The following TGOLN2 variants were observed in gnomAD, a reference collection of about 807,000 sequenced individuals.
TGOLN2 encodes the protein trans-golgi network protein 2.
Under a neutral mutation model 31.3 loss-of-function variants are expected in TGOLN2, and 19 were observed. That is an observed-to-expected ratio of 0.61 (90% confidence interval 0.42 to 0.89). The LOEUF (loss-of-function observed/expected upper bound fraction) is 0.89, where lower values mean the gene tolerates loss of function less well. TGOLN2 is among the 40% of genes least tolerant of loss of function. The probability of loss-of-function intolerance (pLI) is 0.00; values close to 1 mark genes in which losing one functional copy is unlikely to be tolerated. For missense variants in TGOLN2, 540 were observed against 559.2 expected (o/e 0.97, Z 0.35); for synonymous variants, 222 against 226.7 (o/e 0.98, Z 0.19).
chr2:85,327,780 G>A (rs1682811230), intron 1 of TGOLN2, 95 bp from the exon 2 acceptor site: 2 of 623,840 alleles, frequency 3.2e-6, no homozygotes, highest in South Asian at 1.5e-5. Flanking sequence ...GGGGAATGGG[G>A]ATTGGGGGGT....
rs1477686161 is a variant in TGOLN2, at chr2:85,320,656, A to G, written c.*2080T>C. 6.6e-6 allele frequency: 1 copy of G among 152,214 alleles called. No individual in the cohort carries two copies. The highest frequency in any genetic ancestry group is 2.4e-5 in the African/African-American group (1 of 41,448). The allele number at this position is 152,214 out of a possible 1,614,324, so 9.4% of individuals were successfully genotyped here. A position where few individuals can be genotyped will look rare whatever the true frequency, so the allele number is the denominator to read the frequency against. On this transcript the variant is annotated 3_prime_UTR_variant, in exon 4 of 4. Transcript: ENST00000377386. The stretch of plus-strand genomic sequence containing the variant: ...CTTTAGGGATTAAGCCAAGACAAAG[A>G]CTTGGGAATCACTCACTCCGAGGAT...
Position 85,322,757 on chromosome 2 carries a change from A to T in TGOLN2, c.1309-16T>A. On this transcript the variant is annotated splice_polypyrimidine_tract_variant and intron_variant, in intron 3 of 3. Coordinates refer to ENST00000377386, the MANE Select transcript of TGOLN2 (RefSeq NM_006464.4). ...TCTGTTAGGACTTAGGGGAAAAAAG[A>T]TCTTTTAGGAGGTGCAGGGAAAACA... 1 of 1,610,342 alleles carries T rather than the reference A, an allele frequency of 6.2e-7. No individual in the cohort carries two copies. Among genetic ancestry groups the T allele is most frequent in the Non-Finnish European group, 8.5e-7 (1 of 1,179,310 alleles).
Position 85,327,539 on chromosome 2 carries a change from CT to C in TGOLN2, c.192del (p.Asp65ThrfsTer168). The C allele has an allele frequency of 6.2e-7, 1 of 1,614,064 alleles. No homozygotes were observed. Among genetic ancestry groups the C allele is most frequent in the African/African-American group, 1.3e-5 (1 of 75,070 alleles). On this transcript the variant is annotated frameshift_variant, in exon 2 of 4. Coordinates refer to ENST00000377386, the MANE Select transcript of TGOLN2 (RefSeq NM_006464.4). LOFTEE classifies it high-confidence loss of function. ...TKSHPEPQTPKDSPSKSSAEA... is the reference protein window; with the variant it reads ...TKSHPEPQTPXDSPSKSSAEA... ...TCCGCACTCGACTTGCTAGGGCTGT[CT>C]TTTGGAGTCTGCGGCTCCGGATGCG...
In TGOLN2 at chr2:85,327,339, C is replaced by G; in HGVS notation, c.393G>C (p.Gln131His). 1 of 1,610,752 alleles carries G rather than the reference C, an allele frequency of 6.2e-7. No homozygotes were observed. Among genetic ancestry groups the G allele is most frequent in the Admixed American group, 1.7e-5 (1 of 59,834 alleles). The change falls in exon 2 of 4, where the codon CAG (glutamine) becomes CAC (histidine). Residue 131 changes from glutamine (Q) to histidine (H), a missense_variant. Coordinates refer to ENST00000377386, the MANE Select transcript of TGOLN2 (RefSeq NM_006464.4). ...ATTTGCCAGTGCTGTCTTTTGGAGTCTGCAGCTCCGGATGCGACTTACTAG... is the reference window on the plus strand; with the variant it reads ...ATTTGCCAGTGCTGTCTTTTGGAGTGTGCAGCTCCGGATGCGACTTACTAG... ...DSTSKSHPELQTPKDSTGKSG... is the reference protein window; with the variant it reads ...DSTSKSHPELHTPKDSTGKSG...
At position 85,326,624 on chromosome 2, in the gene TGOLN2, G is replaced by C. The variant is rs1353686439; in HGVS notation, c.1108C>G (p.Leu370Val). 1 of 1,614,018 alleles carries C rather than the reference G, an allele frequency of 6.2e-7. No homozygotes were observed. Among genetic ancestry groups the C allele is most frequent in the Non-Finnish European group, 8.5e-7 (1 of 1,179,894 alleles). The change falls in exon 2 of 4, where the codon CTT becomes GTT. Residue 370 changes from leucine to valine, a missense_variant. Transcript: ENST00000377386. ...SDSTGSEKDD[L>V]YPNGSGNGSA... is the part of the protein sequence containing the mutation. ...CCATTTCCAGAACCGTTCGGATAAAGGTCATCCTTCTCGCTACCCGTGGAA... is the reference window on the plus strand; with the variant it reads ...CCATTTCCAGAACCGTTCGGATAAACGTCATCCTTCTCGCTACCCGTGGAA...
At position 85,321,443 on chromosome 2, in the gene TGOLN2, T is replaced by C. The variant is rs1483830516; in HGVS notation, c.*1293A>G. ...TTATTTCCCTCATCTCCCAAGTTAT[T>C]TGTATTTCCCTGAGATCAGCTCAGA... is the stretch of plus-strand genomic sequence containing the variant. On this transcript the variant is annotated 3_prime_UTR_variant, in exon 4 of 4. Coordinates refer to ENST00000377386, the MANE Select transcript of TGOLN2 (RefSeq NM_006464.4). 1 of 152,660 alleles carries C rather than the reference T, an allele frequency of 6.6e-6. No individual in the cohort carries two copies. The highest frequency in any genetic ancestry group is 2.4e-5 in the African/African-American group (1 of 41,456). The allele number at this position is 152,660 out of a possible 1,614,324, so 9.5% of individuals were successfully genotyped here. A position where few individuals can be genotyped will look rare whatever the true frequency, so the allele number is the denominator to read the frequency against.
At position 85,327,359 on chromosome 2, in the gene TGOLN2, TA is replaced by T; in HGVS notation, c.372del (p.Ser124ArgfsTer109). 6.2e-7 allele frequency: 1 copy of T among 1,612,180 alleles called. No homozygotes were observed. Among genetic ancestry groups the T allele is most frequent in the Non-Finnish European group, 8.5e-7 (1 of 1,178,978 alleles). Reference protein sequence around the residue: ...SEAQTTKDSTSKSHPELQTPK... With the variant: ...SEAQTTKDSTXKSHPELQTPK... ...GGAGTCTGCAGCTCCGGATGCGACT[TA>T]CTAGTGCTGTCTTTTGTGGTCTGCG... is the stretch of plus-strand genomic sequence containing the variant. On this transcript the variant is annotated frameshift_variant, in exon 2 of 4. Coordinates refer to ENST00000377386, the MANE Select transcript of TGOLN2 (RefSeq NM_006464.4). LOFTEE classifies it high-confidence loss of function.
Position 85,322,549 on chromosome 2 carries a change from G to A in TGOLN2, c.*187C>T. The stretch of plus-strand genomic sequence containing the variant: ...GCAGCCCCCTACCTCTGCCAGCCCA[G>A]ACCCGCCACTAAATTCTAGAGGAGG... On this transcript the variant is annotated 3_prime_UTR_variant, in exon 4 of 4. Coordinates refer to ENST00000377386, the MANE Select transcript of TGOLN2 (RefSeq NM_006464.4). 3 of 1,305,498 alleles carry A rather than the reference G, an allele frequency of 2.3e-6. No homozygotes were observed. Among genetic ancestry groups the A allele is most frequent in the Admixed American group, 2.8e-5 (1 of 35,658 alleles). The allele number at this position is 1,305,498 out of a possible 1,614,324, so 80.9% of individuals were successfully genotyped here. A position where few individuals can be genotyped will look rare whatever the true frequency, so the allele number is the denominator to read the frequency against.
intron 2 of TGOLN2, 137 bp downstream of exon 2, chr2:85,326,371 G>C (rs1439158644): frequency 1.3e-6 from 1 of 759,636 alleles, no homozygotes; most frequent in East Asian, 2.7e-5. Flanking sequence ...AGGCCTAATA[G>C]GGCCTGAGGA....
intron 3 of TGOLN2, among the ~76,000 whole-genome samples, chr2:85,323,208 T>G (rs1052000837): frequency 6.6e-6 from 1 of 152,220 alleles, no homozygotes; most frequent in African/African-American, 2.4e-5. Flanking sequence ...CCTCAGGTGA[T>G]CTGCCTCCCA....
Position 85,323,768 on chromosome 2 carries a change from T to C in TGOLN2, c.1309-1027A>G, listed in dbSNP as rs114467964. On this transcript the variant is annotated intron_variant, in intron 3 of 3. Coordinates refer to ENST00000377386, the MANE Select transcript of TGOLN2 (RefSeq NM_006464.4). Reference sequence around the variant, plus strand: ...CTGCAGGAAGTCTGGGAACAATTCATAGTTGGGCCACCAATGGTTCTTTGC... The same window carrying C: ...CTGCAGGAAGTCTGGGAACAATTCACAGTTGGGCCACCAATGGTTCTTTGC... Among the ~76,000 whole-genome samples, 868 of 152,338 alleles carry C rather than the reference T, an allele frequency of 5.7e-3. 8 individuals carry two copies. The highest frequency in any genetic ancestry group is 0.02 in the African/African-American group (828 of 41,570).
chr2:85,326,736 T>C lies in TGOLN2; in HGVS notation c.996A>G (p.Gly332=), dbSNP rs199700080. The change falls in exon 2 of 4, where the codon GGA becomes GGG. Residue 332 remains glycine (G), a synonymous_variant. Transcript: ENST00000377386. The part of the protein sequence containing the change: ...EPKEAEDDDT[G]PEEGSPPKEE... ...CTTTGGGCGGTGAGCCCTCCTCGGG[T>C]CCTGTATCATCATCTTCAGCCTCTT... 1.8e-5 allele frequency: 29 copies of C among 1,613,950 alleles called. No individual in the cohort carries two copies. In the East Asian group the frequency reaches 5.1e-4, roughly 29 times the overall value.
chr2:85,323,069 C>T (rs1291245855), intron 3 of TGOLN2, among the ~76,000 whole-genome samples: 1 of 152,122 alleles, frequency 6.6e-6, no homozygotes, highest in Non-Finnish European at 1.5e-5. Context: ...CCTCTGCCTC[C>T]GAAGTTCAAG....
rs928095491 is a variant in TGOLN2 at position 85,321,620 on chromosome 2, A to C, written c.*1116T>G. The C allele has an allele frequency of 6.6e-6, 1 of 152,460 alleles. No individual in the cohort carries two copies. The highest frequency in any genetic ancestry group is 2.4e-5 in the African/African-American group (1 of 41,450). The allele number at this position is 152,460 out of a possible 1,614,324, so 9.4% of individuals were successfully genotyped here. ...TGTATTAACTCCTGACATGGCATGG[A>C]AGAAGAATTTTTATCAAATACCCTT... On this transcript the variant is annotated 3_prime_UTR_variant, in exon 4 of 4. Coordinates refer to ENST00000377386, the MANE Select transcript of TGOLN2 (RefSeq NM_006464.4).
chr2:85,318,342 G>A lies in TGOLN2; in HGVS notation c.*4394C>T, dbSNP rs1381144875. Reference sequence around the variant, plus strand: ...AATATCTATCAGAGGGTGAGGGGCTGGCTTACTGGCAGTTTGACATACTAT... The same window carrying A: ...AATATCTATCAGAGGGTGAGGGGCTAGCTTACTGGCAGTTTGACATACTAT... On this transcript the variant is annotated 3_prime_UTR_variant, in exon 4 of 4. Coordinates refer to ENST00000377386, the MANE Select transcript of TGOLN2 (RefSeq NM_006464.4). 1 of 152,208 alleles carries A rather than the reference G, an allele frequency of 6.6e-6. No individual in the cohort carries two copies. Among genetic ancestry groups the A allele is most frequent in the Non-Finnish European group, 1.5e-5 (1 of 68,042 alleles). The allele number at this position is 152,208 out of a possible 1,614,324, so 9.4% of individuals were successfully genotyped here.
In TGOLN2 at chr2:85,327,377, T is replaced by C; in HGVS notation, c.355A>G (p.Thr119Ala). 1.2e-6 allele frequency: 2 copies of C among 1,602,012 alleles called. No individual in the cohort carries two copies. The highest frequency in any genetic ancestry group is 2.8e-5 in the African/African-American group (2 of 70,634). The stretch of plus-strand genomic sequence containing the variant: ...TGCGACTTACTAGTGCTGTCTTTTG[T>C]GGTCTGCGCCTCCGAACCCGACTTG... Reference protein sequence around the residue: ...TSKSGSEAQTTKDSTSKSHPE... With the variant: ...TSKSGSEAQTAKDSTSKSHPE... Residue 119 changes from threonine (T) to alanine (A), a missense_variant, in exon 2 of 4, where the codon ACA becomes GCA. Physicochemically the swap from Thr to Ala is moderately conservative, Grantham distance 58. Transcript: ENST00000377386.
At position 85,326,512 on chromosome 2, in the gene TGOLN2, C is replaced by T. The variant is rs754061348; in HGVS notation, c.1220G>A (p.Arg407Gln). The T allele has an allele frequency of 6.2e-6, 10 of 1,609,798 alleles. No homozygotes were observed. The highest frequency in any genetic ancestry group is 8.5e-6 in the Non-Finnish European group (10 of 1,176,596). ...AVLYIAHHNK[R>Q]KIIAFVLEGK... ...GGAAGGCCGCTGTCGACTTACCTTCCGCTTGTTGTGATGAGCGATATAGAG... is the reference window on the plus strand; with the variant it reads ...GGAAGGCCGCTGTCGACTTACCTTCTGCTTGTTGTGATGAGCGATATAGAG... The change falls in exon 2 of 4, where the codon CGG becomes CAG. Residue 407 changes from arginine (R) to glutamine (Q), a missense_variant. Coordinates refer to ENST00000377386, the MANE Select transcript of TGOLN2 (RefSeq NM_006464.4).
Position 85,325,007 on chromosome 2 carries a change from A to C in TGOLN2, c.1225-9T>G, listed in dbSNP as rs1427505685. 6.4e-7 allele frequency: 1 copy of C among 1,551,782 alleles called. No individual in the cohort carries two copies. Among genetic ancestry groups the C allele is most frequent in the Admixed American group, 2.0e-5 (1 of 51,006 alleles). ...AGGACAAAAGCAATGATCTGAGGAA[A>C]GGAAAAAGAAAATGATTAACAGGTG... On this transcript the variant is annotated splice_polypyrimidine_tract_variant and intron_variant, in intron 2 of 3. Transcript: ENST00000377386.
rs977607363 is a variant in TGOLN2, at chr2:85,318,203, A to C, written c.*4533T>G. The C allele has an allele frequency of 6.6e-6, 1 of 152,254 alleles. No individual in the cohort carries two copies. The highest frequency in any genetic ancestry group is 6.5e-5 in the Admixed American group (1 of 15,284). The allele number at this position is 152,254 out of a possible 1,614,324, so 9.4% of individuals were successfully genotyped here. On this transcript the variant is annotated 3_prime_UTR_variant, in exon 4 of 4. Transcript: ENST00000377386. ...TTATAGTTAAGTTACAAAAAGCTGA[A>C]AGTATAAAACATTGTGGAAACAGTG... is the stretch of plus-strand genomic sequence containing the variant.
Sources: allele counts gnomAD v4.1 joint callset (sites outside exome capture counted in the v4.1 genomes callset), GRCh38; gene constraint gnomAD v4.1.1; transcripts MANE v1.5; gene names NCBI Gene and HGNC (gene_info 2026-07-23, HGNC 2026-07-21).